RASSF3: variants seen among roughly 807,000 people sequenced by gnomAD.
RASSF3 encodes the protein Ras association domain family member 3.
Under a neutral mutation model 19.9 loss-of-function variants are expected in RASSF3, and 19 were observed. The observed-to-expected ratio is 0.96, with a 90% CI of 0.67 to 1.40. The LOEUF (loss-of-function observed/expected upper bound fraction) is 1.40. Ranked by LOEUF, RASSF3 falls within the 40% of genes most tolerant of loss-of-function variation. RASSF3 has a pLI of 0.00. For synonymous variants in RASSF3, 110 were observed against 104.2 expected, an observed-to-expected ratio of 1.06 and a Z score of -0.34; for missense variants, 306 against 289.8, an observed-to-expected ratio of 1.06 and a Z score of -0.41.
At chr12:64,640,893 C>T (rs948554140) in intron 1 of RASSF3, among the ~76,000 whole-genome samples, 2 of 152,002 alleles carry the variant, frequency 1.3e-5, no homozygotes, top group African/African-American at 4.8e-5. Flanking sequence ...CCTCCCTCCT[C>T]GACCTCCCAA....
intron 1 of RASSF3, among the ~76,000 whole-genome samples, chr12:64,647,258 A>T (rs1031426495): frequency 7.3e-5 from 11 of 150,052 alleles, no homozygotes; most frequent in Admixed American, 2.0e-4. Context: ...TATTTATTTT[A>T]TTTTTTTTAA....
intron 1 of RASSF3, among the ~76,000 whole-genome samples, chr12:64,625,495 C>T (rs906722003): frequency 2.0e-5 from 3 of 151,250 alleles, no homozygotes; most frequent in East Asian, 1.9e-4. Flanking sequence ...CCTCTGATCA[C>T]GGGATCCTGG....
intron 2 of RASSF3, among the ~76,000 whole-genome samples, chr12:64,599,688 G>A (rs1483756026): frequency 6.6e-6 from 1 of 152,036 alleles, no homozygotes; most frequent in African/African-American, 2.4e-5. Flanking sequence ...ACGCTTCCAG[G>A]GGAAGATGAG....
intron 2 of RASSF3, among the ~76,000 whole-genome samples, chr12:64,558,885 C>T (rs983004380): frequency 7.2e-5 from 11 of 152,246 alleles, no homozygotes; most frequent in Admixed American, 2.0e-4. Context: ...CCCCTCCTTT[C>T]CTGCCTTTTT....
intron 1 of RASSF3, among the ~76,000 whole-genome samples, chr12:64,648,805 T>G (rs1871833656): frequency 1.4e-5 from 2 of 143,698 alleles, no homozygotes; most frequent in Admixed American, 1.4e-4. Flanking sequence ...TACATTGATT[T>G]TTTTTTTTTT....
rs900264987 is a variant in RASSF3, at chr12:64,631,982, A to G, written c.111+21239A>G. 2.6e-5 allele frequency among the ~76,000 whole-genome samples: 4 copies of G among 152,250 alleles called. No individual in the cohort carries two copies. In the East Asian group the frequency reaches 7.7e-4, roughly 29 times the overall value. ...GCCTCCCTTCGCACTGGAAGGGATG[A>G]TATTTGGATTCTAAGTAGAAGGCTG... On this transcript the variant is annotated intron_variant, in intron 1 of 4. Transcript: ENST00000542104.
At chr12:64,622,068 C>T (rs922435026) in intron 1 of RASSF3, among the ~76,000 whole-genome samples, 7 of 151,968 alleles carry the variant, frequency 4.6e-5, no homozygotes, top group Non-Finnish European at 7.4e-5. Flanking sequence ...TTATTTTTAT[C>T]TTTTTGACAG....
intron 3 of RASSF3, among the ~76,000 whole-genome samples, chr12:64,689,110 A>G (rs1873474848): frequency 6.6e-6 from 1 of 152,180 alleles, no homozygotes; most frequent in South Asian, 2.1e-4. Context: ...TAAATATTAA[A>G]TTACTGCGTG....
At chr12:64,596,117 A>G (rs1354507943) in intron 2 of RASSF3, among the ~76,000 whole-genome samples, 1 of 152,152 alleles carries the variant, frequency 6.6e-6, no homozygotes, top group Non-Finnish European at 1.5e-5. Context: ...GGGTTTCCCC[A>G]CTCAGTCTAC....
At chr12:64,661,677 C>CTTTTTTTTTTTTTTTTTT in intron 1 of RASSF3, among the ~76,000 whole-genome samples, 1 of 79,000 alleles carries the variant, frequency 1.3e-5, no homozygotes, top group Non-Finnish European at 2.4e-5. Context: ...TTTTCTTTTT[C>CTTTTTTTTTTTTTTTTTT]TTTTTTTTTT....
At chr12:64,597,606 C>A (rs1011383025) in intron 2 of RASSF3, among the ~76,000 whole-genome samples, 15 of 151,766 alleles carry the variant, frequency 9.9e-5, no homozygotes, top group Non-Finnish European at 1.6e-4. Context: ...TACAGTCGTG[C>A]ACCACCACGC....
At chr12:64,568,795 C>T (rs762799173) in intron 2 of RASSF3, among the ~76,000 whole-genome samples, 10 of 151,992 alleles carry the variant, frequency 6.6e-5, no homozygotes, top group South Asian at 4.1e-4. Context: ...CTGCAACCTC[C>T]GCCTCCCTGG....
intron 2 of RASSF3, among the ~76,000 whole-genome samples, chr12:64,552,830 T>C: frequency 6.6e-6 from 1 of 152,306 alleles, no homozygotes; most frequent in Middle Eastern, 3.4e-3. Context: ...TCTTTCTTTT[T>C]TTTGAGATGG....
At chr12:64,605,813 G>T (rs974910817), upstream of RASSF3, among the ~76,000 whole-genome samples, 2 of 151,298 alleles carry the variant, frequency 1.3e-5, no homozygotes, top group African/African-American at 4.9e-5. Context: ...GCTTGAACCC[G>T]GGAGGTGGAG....
intron 2 of RASSF3, among the ~76,000 whole-genome samples, chr12:64,551,010 C>G (rs890678483): frequency 2.0e-5 from 3 of 152,042 alleles, no homozygotes; most frequent in Non-Finnish European, 2.9e-5. Context: ...CCTCCTCAAG[C>G]TTGCCCGAGA....
At chr12:64,545,643 C>T (rs1869040103), downstream of RASSF3, among the ~76,000 whole-genome samples, 1 of 152,138 alleles carries the variant, frequency 6.6e-6, no homozygotes, top group Admixed American at 6.5e-5. Context: ...GAAAGCTCCT[C>T]TTGGCGGGCC....
In RASSF3 at chr12:64,688,274, C is replaced by T; in HGVS notation, c.278C>T (p.Pro93Leu). The T allele has an allele frequency of 6.2e-7, 1 of 1,614,164 alleles. No individual in the cohort carries two copies. Among genetic ancestry groups the T allele is most frequent in the Non-Finnish European group, 8.5e-7 (1 of 1,180,000 alleles). ...IKVQMELCKP[P>L]QTSPNSGKLS... ...GTACAGATGGAACTCTGCAAACCTC[C>T]ACAGACTTCTCCAAATTCTGGAAAA... Residue 93 changes from proline to leucine, a missense_variant, in exon 3 of 5, where the codon CCA (proline) becomes CTA (leucine). Physicochemically the swap from Pro to Leu is moderately conservative, Grantham distance 98. Coordinates refer to ENST00000542104, the MANE Select transcript of RASSF3 (RefSeq NM_178169.4).
intron 1 of RASSF3, among the ~76,000 whole-genome samples, chr12:64,635,408 C>G (rs540290421): frequency 1.5e-4 from 23 of 152,282 alleles, no homozygotes; most frequent in Admixed American, 1.5e-3. Flanking sequence ...GCTAGTAGCT[C>G]TGCCTTCTAG....
intron 1 of RASSF3, among the ~76,000 whole-genome samples, chr12:64,634,762 T>TA (rs57235286): frequency 0.015 from 1,346 of 90,920 alleles, 30 homozygotes; most frequent in African/African-American, 0.03. Flanking sequence ...CACCATCTCA[T>TA]AAAAAAAAAA....
Sources: allele counts gnomAD v4.1 joint callset (sites outside exome capture counted in the v4.1 genomes callset), GRCh38; gene constraint gnomAD v4.1.1; transcripts MANE v1.5; gene names NCBI Gene and HGNC (gene_info 2026-07-23, HGNC 2026-07-21).